Variants in HEATR4 observed in about 807,000 individuals in gnomAD.
HEATR4 encodes the protein HEAT repeat-containing protein 4.
In HEATR4, 95 loss-of-function variants were observed where a neutral mutation model predicts 108.8. That is an observed-to-expected ratio of 0.87 (90% CI 0.74 to 1.04). The LOEUF (loss-of-function observed/expected upper bound fraction) is 1.04. Ranked by LOEUF, HEATR4 falls within the 50% of genes least tolerant of loss-of-function variation. HEATR4 has a pLI of 0.00. For synonymous variants in HEATR4, 443 were observed against 459.4 expected (o/e 0.96, Z 0.46); for missense variants, 1,152 against 1,253.8 (o/e 0.92, Z 1.23).
rs1163488093 is a variant in HEATR4 at position 73,545,063 on chromosome 14, C to CTT, written c.-152+13686_-152+13687dup. Among the ~76,000 whole-genome samples the CTT allele has an allele frequency of 3.0e-5, 3 of 101,682 alleles. 1 individual carries two copies. The highest frequency in any genetic ancestry group is 4.2e-5 in the Non-Finnish European group (2 of 47,174). 66.7% of individuals were successfully genotyped at this position (101,682 alleles called of 152,430 possible). A position where few individuals can be genotyped will look rare whatever the true frequency, so the allele number is the denominator to read the frequency against. On this transcript the variant is annotated intron_variant, in intron 1 of 17. Coordinates refer to ENST00000553558, the MANE Select transcript of HEATR4 (RefSeq NM_001220484.1). ...CCTTAATTTATTATTATTTTCTTTCCTTTTTTTTTTTTGGAGGCAGGGTCT... is the reference window on the plus strand; with the variant it reads ...CCTTAATTTATTATTATTTTCTTTCCTTTTTTTTTTTTTTGGAGGCAGGGTCT...
At chr14:73,526,278 G>A (rs1055774914) in intron 2 of HEATR4, among the ~76,000 whole-genome samples, 3 of 152,242 alleles carry the variant, frequency 2.0e-5, no homozygotes, top group Non-Finnish European at 4.4e-5. Context: ...CTCAGGTAGA[G>A]TGGGACAGAC....
chr14:73,530,287 G>C (rs1398293609), intron 1 of HEATR4, 43 bp from the exon 2 acceptor site: 9 of 143,884 alleles, frequency 6.3e-5, no homozygotes, highest in African/African-American at 2.2e-4. Flanking sequence ...TCAGACTCTT[G>C]TGTCCTACTC....
At chr14:73,497,192 G>A (rs1353656521) in intron 14 of HEATR4, among the ~76,000 whole-genome samples, 2 of 151,792 alleles carry the variant, frequency 1.3e-5, no homozygotes, top group African/African-American at 2.4e-5. Flanking sequence ...CACTGCACCC[G>A]GCCATGCCCG....
At chr14:73,609,316 A>G in the HEATR4 span, among the ~76,000 whole-genome samples, 1 of 152,148 alleles carries the variant, frequency 6.6e-6, no homozygotes, top group Non-Finnish European at 1.5e-5. Context: ...TGGGATGGAC[A>G]ATGTCATACC....
intron 6 of HEATR4, among the ~76,000 whole-genome samples, chr14:73,512,497 T>C (rs897518773): frequency 6.6e-6 from 1 of 152,210 alleles, no homozygotes; most frequent in East Asian, 1.9e-4. Context: ...ATCACAGTTA[T>C]TAGCTGTGTG....
chr14:73,482,850 G>C (rs1185146890), intron 17 of HEATR4, among the ~76,000 whole-genome samples: 1 of 152,072 alleles, frequency 6.6e-6, no homozygotes, highest in East Asian at 1.9e-4. Flanking sequence ...GTAGAGATGG[G>C]GGTTTCACCA....
At chr14:73,573,428 T>C in the HEATR4 span, 1 of 1,613,788 alleles carries the variant, frequency 6.2e-7, no homozygotes, top group Non-Finnish European at 8.5e-7. Context: ...TGTTCGGAAC[T>C]GGAGGTGGCC....
the HEATR4 span, among the ~76,000 whole-genome samples, chr14:73,628,731 C>T: frequency 2.8e-5 from 4 of 144,356 alleles, no homozygotes; most frequent in Admixed American, 2.8e-4. Flanking sequence ...GCAGCCTGGG[C>T]AACAAGAGTG....
At chr14:73,592,013 G>A in the HEATR4 span, 64 of 1,433,840 alleles carry the variant, frequency 4.5e-5, no homozygotes, top group Admixed American at 2.3e-4. Context: ...GGAACGAGCC[G>A]GTGCGCATTG....
chr14:73,576,932 CTTTT>C, the HEATR4 span, among the ~76,000 whole-genome samples: 5 of 91,542 alleles, frequency 5.5e-5, no homozygotes, highest in African/African-American at 1.3e-4. Context: ...CTTTTCTTTT[CTTTT>C]TTTTTTTTTT....
intron 7 of HEATR4, among the ~76,000 whole-genome samples, chr14:73,510,702 C>T (rs956013366): frequency 6.6e-6 from 1 of 152,212 alleles, no homozygotes; most frequent in African/African-American, 2.4e-5. Flanking sequence ...TTCCAAAGTG[C>T]TGGAATTACA....
intron 17 of HEATR4, chr14:73,491,347 C>A: frequency 6.9e-7 from 1 of 1,439,196 alleles, no homozygotes; most frequent in South Asian, 1.4e-5. Context: ...AGGCCTCGCC[C>A]GCCGCGCGCT....
the HEATR4 span, chr14:73,595,911 T>A: frequency 1.5e-5 from 5 of 332,458 alleles, no homozygotes; most frequent in South Asian, 5.9e-4. Context: ...CCTTCTAGAT[T>A]TTTTTAGTTA....
intron 8 of HEATR4, among the ~76,000 whole-genome samples, chr14:73,508,678 G>A (rs1391710202): frequency 6.6e-6 from 1 of 150,588 alleles, no homozygotes; most frequent in Non-Finnish European, 1.5e-5. Flanking sequence ...GAACCCAGGA[G>A]GCGGAGGTTG....
intron 6 of HEATR4, among the ~76,000 whole-genome samples, chr14:73,513,737 A>AG (rs1887414330): frequency 6.8e-6 from 1 of 146,096 alleles, no homozygotes; most frequent in Non-Finnish European, 1.5e-5. Flanking sequence ...CCAAAAAAAA[A>AG]AAAAAAAAAA....
intron 1 of HEATR4, among the ~76,000 whole-genome samples, chr14:73,558,309 A>G (rs74479691): frequency 0.39 from 52,063 of 134,844 alleles, 11,489 homozygotes; most frequent in East Asian, 0.56. Flanking sequence ...CTATACAGCT[A>G]TCTCCAGAGA....
Position 73,534,916 on chromosome 14 carries a change from G to T in HEATR4, c.-151-4672C>A, listed in dbSNP as rs1385016199. On this transcript the variant is annotated intron_variant, in intron 1 of 17. Coordinates refer to ENST00000553558, the MANE Select transcript of HEATR4 (RefSeq NM_001220484.1). ...GCCTAGGCCTCCCCCCTAACAGCTGGAACTACAGGCATCTACCACTGCATT... is the reference window on the plus strand; with the variant it reads ...GCCTAGGCCTCCCCCCTAACAGCTGTAACTACAGGCATCTACCACTGCATT... 6.4e-4 allele frequency among the ~76,000 whole-genome samples: 70 copies of T among 110,172 alleles called. 20 individuals are homozygous for T. The highest frequency in any genetic ancestry group is 1.8e-3 in the African/African-American group (61 of 33,882). The allele number at this position is 110,172 out of a possible 152,430, so 72.3% of individuals were successfully genotyped here.
the HEATR4 span, among the ~76,000 whole-genome samples, chr14:73,628,528 C>T: frequency 7.9e-5 from 12 of 151,864 alleles, no homozygotes; most frequent in African/African-American, 2.2e-4. Flanking sequence ...CCGAGGCGGG[C>T]GGATCATCTG....
the HEATR4 span, among the ~76,000 whole-genome samples, chr14:73,620,719 C>T: frequency 6.6e-5 from 10 of 151,932 alleles, no homozygotes; most frequent in African/African-American, 2.4e-4. Context: ...AGGCTCGTGC[C>T]ACCATGCCCA....
Sources: allele counts gnomAD v4.1 joint callset (sites outside exome capture counted in the v4.1 genomes callset), GRCh38; gene constraint gnomAD v4.1.1; transcripts MANE v1.5; gene names NCBI Gene and HGNC (gene_info 2026-07-23, HGNC 2026-07-21).